ZNF385C: variants seen among roughly 807,000 people sequenced by gnomAD.
The protein encoded by ZNF385C is zinc finger protein 385C.
In ZNF385C, 28 loss-of-function variants were observed where a neutral mutation model predicts 35.4. The ratio of observed to expected loss-of-function variants is 0.79; its 90% CI spans 0.59 to 1.08. The LOEUF (loss-of-function observed/expected upper bound fraction) is 1.08, where lower values mean the gene tolerates loss of function less well. Among genes scored for constraint, ZNF385C ranks in the 50% least tolerant of loss-of-function variants. ZNF385C has a pLI of 0.00. For synonymous variants in ZNF385C, 248 were observed against 248.2 expected, an observed-to-expected ratio of 1.00 and a Z score of 0.01; for missense variants, 605 against 595.6, an observed-to-expected ratio of 1.02 and a Z score of -0.16.
At chr17:42,093,101 A>T (rs1598207937) in intron 1 of ZNF385C, among the ~76,000 whole-genome samples, 2 of 152,324 alleles carry the variant, frequency 1.3e-5, no homozygotes, top group East Asian at 3.9e-4. Flanking sequence ...AAGCCGTGGG[A>T]GCGATGGGGA....
chr17:42,082,018 G>A (rs1555659754), intron 1 of ZNF385C, among the ~76,000 whole-genome samples: 2 of 152,184 alleles, frequency 1.3e-5, no homozygotes, highest in East Asian at 1.9e-4. Context: ...GCTCCCATGA[G>A]CACTGTCCCA....
intron 1 of ZNF385C, among the ~76,000 whole-genome samples, chr17:42,091,980 A>G (rs1325468192): frequency 6.6e-6 from 1 of 152,214 alleles, no homozygotes; most frequent in Admixed American, 6.6e-5. Flanking sequence ...GAGCAGCTCC[A>G]GCATGGTCTG....
intron 2 of ZNF385C, chr17:42,040,085 GAGCAAAGCCGCGCAGC>G: frequency 1.6e-6 from 2 of 1,231,274 alleles, no homozygotes; most frequent in Non-Finnish European, 2.0e-6. Flanking sequence ...ACCACGGCAG[GAGCAAAGCCGCGCAGC>G]AGCACCCGCA....
intron 2 of ZNF385C, among the ~76,000 whole-genome samples, chr17:42,041,922 A>C (rs1567987104): frequency 6.6e-6 from 1 of 152,222 alleles, no homozygotes; most frequent in Non-Finnish European, 1.5e-5. Context: ...ACTCCAGCAC[A>C]TCCTGCTCTG....
At chr17:42,041,212 G>C in intron 2 of ZNF385C, 1 of 1,232,326 alleles carries the variant, frequency 8.1e-7, no homozygotes, top group Non-Finnish European at 1.0e-6. Flanking sequence ...GGGAAAGAAA[G>C]GGAGGGAGGA....
intron 1 of ZNF385C, among the ~76,000 whole-genome samples, chr17:42,071,927 G>A (rs2053629294): frequency 6.6e-6 from 1 of 152,156 alleles, no homozygotes. Context: ...GGGAGCTCCT[G>A]GGACTGTTCC....
At chr17:42,064,198 T>C (rs1555658296) in intron 1 of ZNF385C, among the ~76,000 whole-genome samples, 1 of 152,024 alleles carries the variant, frequency 6.6e-6, no homozygotes, top group Non-Finnish European at 1.5e-5. Flanking sequence ...CCAAGTCACT[T>C]CTCTGAAACT....
chr17:42,096,346 A>G (rs1216304271), intron 1 of ZNF385C, among the ~76,000 whole-genome samples: 2 of 152,194 alleles, frequency 1.3e-5, no homozygotes, highest in African/African-American at 4.8e-5. Context: ...GGTATGGAGA[A>G]TGTGGTCTTG....
intron 1 of ZNF385C, among the ~76,000 whole-genome samples, chr17:42,086,401 T>A (rs1252015991): frequency 2.1e-5 from 3 of 143,176 alleles, no homozygotes; most frequent in African/African-American, 7.8e-5. Flanking sequence ...AATAAATAAA[T>A]TTTAAAAACC....
intron 1 of ZNF385C, among the ~76,000 whole-genome samples, chr17:42,093,045 T>C (rs1484134471): frequency 1.3e-5 from 2 of 152,074 alleles, no homozygotes; most frequent in African/African-American, 4.8e-5. Flanking sequence ...CCCAAGGAAA[T>C]CTTAATCCAA....
intron 1 of ZNF385C, among the ~76,000 whole-genome samples, chr17:42,075,670 A>G (rs1408618528): frequency 1.3e-5 from 2 of 151,496 alleles, no homozygotes; most frequent in Admixed American, 6.6e-5. Context: ...CATTTTTTGT[A>G]TTTTTAGTAG....
chr17:42,070,587 G>A (rs575225570), intron 1 of ZNF385C, among the ~76,000 whole-genome samples: 4 of 152,274 alleles, frequency 2.6e-5, no homozygotes, highest in African/African-American at 9.6e-5. Context: ...ACAATCCTGC[G>A]AGGCTTGACA....
chr17:42,067,588 C>T (rs1025144119), intron 1 of ZNF385C, among the ~76,000 whole-genome samples: 28 of 152,168 alleles, frequency 1.8e-4, no homozygotes, highest in African/African-American at 6.5e-4. Flanking sequence ...ACCACGGGTC[C>T]AGGGTATAGC....
In ZNF385C at chr17:42,057,499, C is replaced by T. The variant is rs1476572459; in HGVS notation, c.250+5308G>A. Among the ~76,000 whole-genome samples the T allele has an allele frequency of 7.4e-4, 98 of 131,710 alleles. 1 individual carries two copies. Among genetic ancestry groups the T allele is most frequent in the Admixed American group, 2.0e-3 (28 of 13,836 alleles). 86.4% of individuals were successfully genotyped at this position (131,710 alleles called of 152,430 possible). A position where few individuals can be genotyped will look rare whatever the true frequency, so the allele number is the denominator to read the frequency against. On this transcript the variant is annotated intron_variant, in intron 2 of 8. Transcript: ENST00000692273. ...TCACTTAAAGTTATTTAGGGGTGTG[C>T]GCGCGCGCGCGCGCGTGTGTGTGTG...
intron 5 of ZNF385C, among the ~76,000 whole-genome samples, chr17:42,029,981 T>C (rs1555654826): frequency 6.6e-6 from 1 of 150,662 alleles, no homozygotes. Context: ...TGAGCCTAGG[T>C]CACACCACTG....
intron 2 of ZNF385C, chr17:42,039,484 C>T (rs367696996): frequency 1.1e-4 from 45 of 398,038 alleles, no homozygotes; most frequent in East Asian, 9.4e-4. Context: ...ATCCTAGCAT[C>T]TCTGCCCACC....
intron 2 of ZNF385C, among the ~76,000 whole-genome samples, chr17:42,054,554 A>AG (rs1457549885): frequency 1.4e-5 from 2 of 147,306 alleles, no homozygotes; most frequent in Non-Finnish European, 3.0e-5. Flanking sequence ...GAAGGAGAGG[A>AG]GGGAGTTTAT....
At chr17:42,040,153 G>T in intron 2 of ZNF385C, 3 of 1,231,526 alleles carry the variant, frequency 2.4e-6, no homozygotes, top group Non-Finnish European at 3.0e-6. Flanking sequence ...CGGCGCCTGC[G>T]GGTAGCGTCG....
chr17:42,070,318 T>C (rs2053606738), intron 1 of ZNF385C, among the ~76,000 whole-genome samples: 1 of 152,190 alleles, frequency 6.6e-6, no homozygotes, highest in Non-Finnish European at 1.5e-5. Flanking sequence ...CACTCCAGCC[T>C]GTGCGACAGA....
Sources: allele counts gnomAD v4.1 joint callset (sites outside exome capture counted in the v4.1 genomes callset), GRCh38; gene constraint gnomAD v4.1.1; transcripts MANE v1.5; gene names NCBI Gene and HGNC (gene_info 2026-07-23, HGNC 2026-07-21).